The following TMEM234 variants were observed in gnomAD, a reference collection of about 807,000 sequenced individuals.
The protein encoded by TMEM234 is chromosome 1 open reading frame 91.
TMEM234 carries 21 observed loss-of-function variants against 17.8 expected under a neutral mutation model. The observed-to-expected ratio is 1.18, with a 90% CI of 0.84 to 1.70. TMEM234 has a LOEUF of 1.70. Among genes scored for constraint, TMEM234 ranks in the 40% most tolerant of loss-of-function variants. The pLI, the probability that TMEM234 is intolerant of heterozygous loss-of-function variation, is 0.00. For synonymous variants in TMEM234, 83 were observed against 73.5 expected (o/e 1.13, Z -0.66); for missense variants, 137 against 166.9 (o/e 0.82, Z 0.99).
At chr1:32,217,686 G>C (rs551638648) in intron 3 of TMEM234, 1 of 473,150 alleles carries the variant, frequency 2.1e-6, no homozygotes. Flanking sequence ...TGAGTAGAGA[G>C]TCAGGTAACA....
intron 4 of TMEM234, 119 bp downstream of exon 4, chr1:32,217,140 C>A: frequency 6.3e-7 from 1 of 1,590,202 alleles, no homozygotes; most frequent in Non-Finnish European, 8.6e-7. Flanking sequence ...GAGGAAAGGG[C>A]AGGATGGGAA....
chr1:32,217,471 T>G, intron 3 of TMEM234, 120 bp from the exon 4 acceptor site: 1 of 1,545,812 alleles, frequency 6.5e-7, no homozygotes, highest in Non-Finnish European at 8.7e-7. Flanking sequence ...ATCTTCCAGA[T>G]GAAGTCACAG....
intron 1 of TMEM234, 110 bp from the exon 2 acceptor site, chr1:32,222,128 C>T: frequency 6.6e-7 from 1 of 1,505,340 alleles, no homozygotes. Context: ...CTCCTTCGCT[C>T]TCTTCGCCTC....
chr1:32,214,629 G>T, downstream of TMEM234: 2 of 918,250 alleles, frequency 2.2e-6, no homozygotes, highest in Middle Eastern at 2.5e-4. Context: ...GATAAGTCAG[G>T]CTGGTGGGAA....
downstream of TMEM234, chr1:32,215,006 T>A: frequency 6.3e-7 from 1 of 1,575,946 alleles, no homozygotes; most frequent in South Asian, 1.1e-5. Context: ...CTGCTGTTGT[T>A]GGGGATGTCC....
At chr1:32,222,138 C>A (rs1349305446) in intron 1 of TMEM234, 120 bp from the exon 2 acceptor site, 62 of 1,503,612 alleles carry the variant, frequency 4.1e-5, no homozygotes, top group Non-Finnish European at 5.2e-5. Context: ...CTCTTCGCCT[C>A]GGCTGCGACT....
chr1:32,217,369 A>G lies in TMEM234; in HGVS notation c.236-18T>C. Reference sequence around the variant, plus strand: ...GGTCAGATCTGGGTGGTCAGAATGAAAAGAATGCCTGAGATGCAACAAATG... The same window carrying G: ...GGTCAGATCTGGGTGGTCAGAATGAGAAGAATGCCTGAGATGCAACAAATG... On this transcript the variant is annotated intron_variant, in intron 3 of 4. Transcript: ENST00000309777. The G allele has an allele frequency of 6.3e-7, 1 of 1,599,080 alleles. No individual in the cohort carries two copies. The highest frequency in any genetic ancestry group is 8.6e-7 in the Non-Finnish European group (1 of 1,169,248).
Position 32,216,904 on chromosome 1 carries a change from G to A in TMEM234, c.372C>T (p.Leu124=), listed in dbSNP as rs762524593. The change falls in exon 5 of 5, where the codon CTC becomes CTT. Residue 124 remains leucine, a synonymous_variant. Transcript: ENST00000309777. ...TCTTACTCACTGAGCTTGTGATGCAGAGTGAAATTCCTATCACGGTGAGCA... is the reference window on the plus strand; with the variant it reads ...TCTTACTCACTGAGCTTGTGATGCAAAGTGAAATTCCTATCACGGTGAGCA... ...GMVLTVIGIS[L]CITSSVSKTQ... 3 of 1,614,218 alleles carry A rather than the reference G, an allele frequency of 1.9e-6. No individual in the cohort carries two copies. Among genetic ancestry groups the A allele is most frequent in the South Asian group, 2.2e-5 (2 of 91,078 alleles).
intron 2 of TMEM234, 55 bp from the exon 3 acceptor site, chr1:32,221,252 C>A: frequency 7.4e-7 from 1 of 1,350,132 alleles, no homozygotes; most frequent in Non-Finnish European, 1.1e-6. Flanking sequence ...GCAGCACTGC[C>A]TTCTTTGAGC....
chr1:32,221,232 GCCTGA>G, intron 2 of TMEM234, 35 bp from the exon 3 acceptor site: 2 of 1,519,072 alleles, frequency 1.3e-6, no homozygotes, highest in Non-Finnish European at 1.8e-6. Context: ...CAGTGTGATG[GCCTGA>G]CTGAGCAGCA....
intron 3 of TMEM234, among the ~76,000 whole-genome samples, chr1:32,219,387 T>G (rs1021371904): frequency 2.0e-5 from 3 of 152,138 alleles, no homozygotes; most frequent in Admixed American, 6.6e-5. Flanking sequence ...TTTGGTTGTT[T>G]TTCGTTTTTG....
chr1:32,222,263 G>C, intron 1 of TMEM234, 44 bp downstream of exon 1: 1 of 1,530,704 alleles, frequency 6.5e-7, no homozygotes, highest in Non-Finnish European at 8.8e-7. Context: ...TGAATTCGAG[G>C]CGAGGGTCGG....
intron 2 of TMEM234, 110 bp downstream of exon 2, chr1:32,221,757 C>A (rs1281531620): frequency 1.4e-5 from 20 of 1,464,188 alleles, no homozygotes; most frequent in Non-Finnish European, 1.8e-5. Flanking sequence ...CTGACTTTTC[C>A]GAGAATTTCT....
chr1:32,215,077 G>T, downstream of TMEM234: 3 of 1,183,054 alleles, frequency 2.5e-6, no homozygotes, highest in South Asian at 1.6e-5. Flanking sequence ...AGATAAAGGA[G>T]TCTGAACCTA....
downstream of TMEM234, chr1:32,214,853 T>C: frequency 6.2e-7 from 1 of 1,613,910 alleles, no homozygotes; most frequent in Non-Finnish European, 8.5e-7. Flanking sequence ...CAGACCGAAT[T>C]AAGCCATCTG....
At position 32,221,603 on chromosome 1, in the gene TMEM234, G is replaced by T. The variant is rs76379384; in HGVS notation, c.168+264C>A. ...GGAATCACAATAAAATGTGAATAATGGCAGCCATAGATTGAGCACTTACTA... is the reference window on the plus strand; with the variant it reads ...GGAATCACAATAAAATGTGAATAATTGCAGCCATAGATTGAGCACTTACTA... On this transcript the variant is annotated intron_variant, in intron 2 of 4. Coordinates refer to ENST00000309777, the MANE Select transcript of TMEM234 (RefSeq NM_019118.5). Among the ~76,000 whole-genome samples, 33 of 152,270 alleles carry T rather than the reference G, an allele frequency of 2.2e-4. 1 individual carries two copies. The East Asian group carries it at 6.4e-3, about 29-fold the overall frequency.
chr1:32,214,871 T>C (rs1638253214), downstream of TMEM234: 2 of 1,613,844 alleles, frequency 1.2e-6, no homozygotes, highest in Admixed American at 1.7e-5. Flanking sequence ...CTGCTTTCTA[T>C]GCCAGACCCC....
chr1:32,218,586 T>C (rs1349595109), intron 3 of TMEM234, among the ~76,000 whole-genome samples: 2 of 152,180 alleles, frequency 1.3e-5, no homozygotes, highest in Middle Eastern at 3.4e-3. Flanking sequence ...GCGGATCACC[T>C]GAGGTTGGGA....
chr1:32,217,444 A>G, intron 3 of TMEM234, 93 bp from the exon 4 acceptor site: 1 of 1,574,310 alleles, frequency 6.4e-7, no homozygotes, highest in Non-Finnish European at 8.6e-7. Flanking sequence ...TACCTTTAAA[A>G]AAGGTATCAA....
Sources: gnomAD v4.1 joint callset for allele counts (sites outside exome capture counted in the v4.1 genomes callset) on GRCh38, gnomAD v4.1.1 for gene constraint, MANE v1.5 for transcripts, NCBI Gene and HGNC (gene_info 2026-07-23, HGNC 2026-07-21) for gene names.